Variants in ADGRB3 observed in about 807,000 individuals in gnomAD.
ADGRB3 encodes the protein brain-specific angiogenesis inhibitor 3.
Under a neutral mutation model 193.4 loss-of-function variants are expected in ADGRB3, and 37 were observed. The ratio of observed to expected loss-of-function variants is 0.19; its 90% CI spans 0.15 to 0.25. ADGRB3 has a LOEUF of 0.25. Ranked by LOEUF, ADGRB3 falls within the 10% of genes least tolerant of loss-of-function variation. The pLI, the probability that ADGRB3 is intolerant of heterozygous loss-of-function variation, is 1.00. For synonymous variants in ADGRB3, 690 were observed against 644.2 expected, an observed-to-expected ratio of 1.07 and a Z score of -1.08; for missense variants, 1,637 against 1,852.9, an observed-to-expected ratio of 0.88 and a Z score of 2.14.
At chr6:68,763,058 CACAA>C (rs2127352069) in intron 3 of ADGRB3, among the ~76,000 whole-genome samples, 1 of 152,280 alleles carries the variant, frequency 6.6e-6, no homozygotes, top group African/African-American at 2.4e-5. Flanking sequence ...TTCTGATACT[CACAA>C]ACATACACAT....
chr6:68,852,243 G>T (rs991514490), intron 3 of ADGRB3, among the ~76,000 whole-genome samples: 1 of 151,770 alleles, frequency 6.6e-6, no homozygotes, highest in Non-Finnish European at 1.5e-5. Flanking sequence ...AGCCTTGAAT[G>T]CTGTATAAAA....
intron 3 of ADGRB3, among the ~76,000 whole-genome samples, chr6:68,794,000 T>G (rs945659289): frequency 2.6e-5 from 4 of 152,178 alleles, no homozygotes; most frequent in Admixed American, 2.6e-4. Context: ...CCACTGCTGC[T>G]TTCTCAAGAT....
intron 17 of ADGRB3, among the ~76,000 whole-genome samples, chr6:69,163,814 T>C (rs1271538758): frequency 6.6e-6 from 1 of 152,152 alleles, no homozygotes; most frequent in Non-Finnish European, 1.5e-5. Flanking sequence ...AAAAACCCAC[T>C]GATTCTTTGT....
intron 3 of ADGRB3, among the ~76,000 whole-genome samples, chr6:68,669,342 T>C (rs1255624660): frequency 6.6e-6 from 1 of 151,924 alleles, no homozygotes; most frequent in Non-Finnish European, 1.5e-5. Flanking sequence ...TCATTTGTTC[T>C]AACTATTTCT....
chr6:68,889,683 T>C (rs1233683568), intron 3 of ADGRB3, among the ~76,000 whole-genome samples: 1 of 151,978 alleles, frequency 6.6e-6, no homozygotes, highest in Admixed American at 6.6e-5. Context: ...TTTGTATTTT[T>C]AGTAGAGATG....
intron 17 of ADGRB3, among the ~76,000 whole-genome samples, chr6:69,165,633 A>G (rs1351245092): frequency 6.6e-6 from 1 of 151,878 alleles, no homozygotes; most frequent in East Asian, 1.9e-4. Context: ...GTCATCCCTT[A>G]TTTCTTTGGG....
At chr6:68,789,168 T>C (rs1767044740) in intron 3 of ADGRB3, among the ~76,000 whole-genome samples, 2 of 150,920 alleles carry the variant, frequency 1.3e-5, no homozygotes, top group Admixed American at 6.6e-5. Flanking sequence ...AAAGTTAATA[T>C]TGTTATGTGT....
intron 12 of ADGRB3, among the ~76,000 whole-genome samples, chr6:69,017,179 T>C (rs1770116800): frequency 6.6e-6 from 1 of 151,962 alleles, no homozygotes; most frequent in Non-Finnish European, 1.5e-5. Context: ...AAATATACTG[T>C]AGATACTGCC....
At chr6:68,739,806 C>A (rs1765942309) in intron 3 of ADGRB3, among the ~76,000 whole-genome samples, 1 of 152,132 alleles carries the variant, frequency 6.6e-6, no homozygotes, top group Admixed American at 6.5e-5. Context: ...ACACATCAAG[C>A]CATCACATAG....
intron 10 of ADGRB3, among the ~76,000 whole-genome samples, chr6:68,977,630 G>A (rs917449073): frequency 6.6e-6 from 1 of 152,090 alleles, no homozygotes; most frequent in Non-Finnish European, 1.5e-5. Context: ...GTCAATAATT[G>A]ACAGCAAATA....
At position 68,846,291 on chromosome 6, in the gene ADGRB3, T is replaced by A. The variant is rs146235683; in HGVS notation, c.758-84268T>A. Among the ~76,000 whole-genome samples the A allele has an allele frequency of 1.6e-4, 24 of 152,306 alleles. No individual in the cohort carries two copies. The East Asian group carries it at 4.6e-3, about 29-fold the overall frequency. ...ATAAAAATTTGGAAAATTTGCATCC[T>A]ATGTGATAAAAAATAAAAGCCCATT... On this transcript the variant is annotated intron_variant, in intron 3 of 31. Coordinates refer to ENST00000370598, the MANE Select transcript of ADGRB3 (RefSeq NM_001704.3).
chr6:69,322,939 GAA>G (rs966115300), intron 20 of ADGRB3, among the ~76,000 whole-genome samples: 4 of 152,062 alleles, frequency 2.6e-5, no homozygotes, highest in Non-Finnish European at 5.9e-5. Context: ...ATTATTGTAC[GAA>G]GAGGCATGAT....
intron 13 of ADGRB3, among the ~76,000 whole-genome samples, chr6:69,021,924 G>C (rs1770282729): frequency 6.6e-6 from 1 of 151,696 alleles, no homozygotes; most frequent in East Asian, 1.9e-4. Context: ...TCATAGCTTT[G>C]ATCTTTTTCT....
chr6:68,715,208 G>C (rs1169577928), intron 3 of ADGRB3, among the ~76,000 whole-genome samples: 1 of 151,418 alleles, frequency 6.6e-6, no homozygotes, highest in Non-Finnish European at 1.5e-5. Flanking sequence ...TTGCATCAGA[G>C]ACTTGACTGG....
intron 26 of ADGRB3, among the ~76,000 whole-genome samples, chr6:69,349,922 A>G (rs1769186284): frequency 6.6e-6 from 1 of 152,170 alleles, no homozygotes; most frequent in African/African-American, 2.4e-5. Context: ...TCTGAATTGC[A>G]ACACTGCCAA....
chr6:69,210,427 G>A (rs1041776705), intron 17 of ADGRB3, among the ~76,000 whole-genome samples: 2 of 151,858 alleles, frequency 1.3e-5, no homozygotes, highest in Admixed American at 6.6e-5. Context: ...CCAGATTAAC[G>A]GTGGGTCTGT....
chr6:69,078,744 C>T (rs986960504), intron 17 of ADGRB3, among the ~76,000 whole-genome samples: 1 of 151,942 alleles, frequency 6.6e-6, no homozygotes, highest in African/African-American at 2.4e-5. Context: ...TTATATAACC[C>T]CGTTTGATAC....
At chr6:68,869,278 T>C (rs1194223848) in intron 3 of ADGRB3, among the ~76,000 whole-genome samples, 2 of 152,208 alleles carry the variant, frequency 1.3e-5, no homozygotes, top group Admixed American at 6.5e-5. Context: ...CTGGTTGATA[T>C]AGAAACTTTT....
rs188790993 is a variant in ADGRB3 at position 68,667,993 on chromosome 6, G to A, written c.757+28561G>A. On this transcript the variant is annotated intron_variant, in intron 3 of 31. Coordinates refer to ENST00000370598, the MANE Select transcript of ADGRB3 (RefSeq NM_001704.3). The stretch of plus-strand genomic sequence containing the variant: ...GAACATCCTGGGGATCAGAACCACC[G>A]AGCCAAGCCACATAACCTTGTGAAA... Among the ~76,000 whole-genome samples the A allele has an allele frequency of 1.3e-3, 201 of 151,740 alleles. 1 individual carries two copies. The highest frequency in any genetic ancestry group is 1.4e-3 in the Non-Finnish European group (92 of 67,852).
Sources: allele counts gnomAD v4.1 joint callset (sites outside exome capture counted in the v4.1 genomes callset), GRCh38; gene constraint gnomAD v4.1.1; transcripts MANE v1.5; gene names NCBI Gene and HGNC (gene_info 2026-07-23, HGNC 2026-07-21).